CSGALNACT1: variants seen among roughly 807,000 people sequenced by gnomAD.
CSGALNACT1 encodes chondroitin sulfate N-acetylgalactosaminyltransferase 1.
CSGALNACT1 carries 52 observed loss-of-function variants against 51.0 expected under a neutral mutation model. The ratio of observed to expected loss-of-function variants is 1.02; its 90% confidence interval spans 0.82 to 1.29. The LOEUF is 1.29. CSGALNACT1 is among the 50% of genes most tolerant of loss of function. The pLI is 0.00. For missense variants in CSGALNACT1, 935 were observed against 679.2 expected, an observed-to-expected ratio of 1.38 and a Z score of -4.19; for synonymous variants, 341 against 254.4, an observed-to-expected ratio of 1.34 and a Z score of -3.24.
intron 4 of CSGALNACT1, among the ~76,000 whole-genome samples, chr8:19,462,728 T>C (rs984829349): frequency 1.3e-5 from 2 of 152,202 alleles, no homozygotes; most frequent in Admixed American, 1.3e-4. Context: ...TACATCCATT[T>C]TTTAGCTGGT....
At chr8:19,592,204 A>C (rs1034484935) in intron 2 of CSGALNACT1, among the ~76,000 whole-genome samples, 12 of 152,254 alleles carry the variant, frequency 7.9e-5, no homozygotes, top group Non-Finnish European at 1.3e-4. Context: ...AAAATAGTTT[A>C]AAGGACATTA....
chr8:19,562,414 A>G (rs1309680286), intron 3 of CSGALNACT1, among the ~76,000 whole-genome samples: 1 of 152,174 alleles, frequency 6.6e-6, no homozygotes, highest in Non-Finnish European at 1.5e-5. Flanking sequence ...TTTCATAACA[A>G]AAATGTCAAA....
At chr8:19,615,644 A>G (rs866262686) in intron 1 of CSGALNACT1, among the ~76,000 whole-genome samples, 1 of 152,270 alleles carries the variant, frequency 6.6e-6, no homozygotes, top group African/African-American at 2.4e-5. Context: ...TGTGATGAAC[A>G]TGAATAGGTT....
chr8:19,706,636 G>C (rs2062183307), intron 1 of CSGALNACT1, among the ~76,000 whole-genome samples: 1 of 152,088 alleles, frequency 6.6e-6, no homozygotes, highest in South Asian at 2.1e-4. Context: ...GTTGGCAGTG[G>C]GATACCTACC....
intron 5 of CSGALNACT1, chr8:19,457,640 G>A: frequency 7.9e-7 from 1 of 1,272,654 alleles, no homozygotes; most frequent in Non-Finnish European, 1.0e-6. Flanking sequence ...AAATCAGCTT[G>A]ATCTTTCAAG....
intron 4 of CSGALNACT1, among the ~76,000 whole-genome samples, chr8:19,493,238 C>T (rs994459184): frequency 6.6e-6 from 1 of 152,164 alleles, no homozygotes; most frequent in Admixed American, 6.5e-5. Flanking sequence ...AGGAGCTCTT[C>T]GGTCACCTCA....
At chr8:19,497,911 C>A (rs942025434) in intron 4 of CSGALNACT1, among the ~76,000 whole-genome samples, 1 of 152,096 alleles carries the variant, frequency 6.6e-6, no homozygotes, top group Non-Finnish European at 1.5e-5. Flanking sequence ...ACCGGGAAGC[C>A]CCCTCCCCGC....
At chr8:19,541,440 G>T (rs900641538) in intron 3 of CSGALNACT1, among the ~76,000 whole-genome samples, 7 of 151,012 alleles carry the variant, frequency 4.6e-5, no homozygotes, top group African/African-American at 1.7e-4. Flanking sequence ...TTTTAGTAGA[G>T]ATGGGGTTTC....
chr8:19,603,717 G>A (rs761811195), upstream of CSGALNACT1, among the ~76,000 whole-genome samples: 25 of 152,210 alleles, frequency 1.6e-4, no homozygotes, highest in Non-Finnish European at 3.4e-4. Flanking sequence ...GCAGGCAGCA[G>A]ATCTGGAGGC....
intron 1 of CSGALNACT1, among the ~76,000 whole-genome samples, chr8:19,618,045 A>G (rs942190428): frequency 6.8e-6 from 1 of 146,660 alleles, no homozygotes; most frequent in Non-Finnish European, 1.5e-5. Context: ...CTTCCGGCTG[A>G]TTTTTTTTTT....
At chr8:19,441,546 T>A (rs544039812) in intron 5 of CSGALNACT1, among the ~76,000 whole-genome samples, 2 of 152,192 alleles carry the variant, frequency 1.3e-5, no homozygotes, top group African/African-American at 4.8e-5. Flanking sequence ...ATCCCTTCCT[T>A]ACACCTTATA....
chr8:19,489,566 C>T (rs1004936913), intron 4 of CSGALNACT1, among the ~76,000 whole-genome samples: 14 of 152,130 alleles, frequency 9.2e-5, no homozygotes, highest in African/African-American at 1.4e-4. Flanking sequence ...TACCAGGCAA[C>T]GTGCTTAATA....
intron 1 of CSGALNACT1, among the ~76,000 whole-genome samples, chr8:19,726,248 T>G (rs1477861951): frequency 6.6e-6 from 1 of 152,174 alleles, no homozygotes; most frequent in Non-Finnish European, 1.5e-5. Flanking sequence ...CAATAATATA[T>G]AGAGCCTTTG....
intron 1 of CSGALNACT1, among the ~76,000 whole-genome samples, chr8:19,644,101 A>G (rs962296135): frequency 3.3e-5 from 5 of 152,228 alleles, no homozygotes; most frequent in Non-Finnish European, 7.3e-5. Context: ...CTAACATTAA[A>G]ATTATGTTTA....
At chr8:19,683,873 A>G (rs1207220536), upstream of CSGALNACT1, among the ~76,000 whole-genome samples, 1 of 152,164 alleles carries the variant, frequency 6.6e-6, no homozygotes, top group African/African-American at 2.4e-5. Flanking sequence ...AAATATAAAA[A>G]TATGTAGTAA....
intron 1 of CSGALNACT1, among the ~76,000 whole-genome samples, chr8:19,641,148 T>G (rs1198724894): frequency 1.2e-4 from 18 of 146,614 alleles, no homozygotes; most frequent in Admixed American, 1.1e-3. Context: ...TTTTTTTTTT[T>G]TTTTTTTAAA....
exon 10 of CSGALNACT1, chr8:19,404,333 CAGAAGCAAGGACTCAA>C (rs1563226479): frequency 4.4e-6 from 2 of 453,686 alleles, no homozygotes; most frequent in Non-Finnish European, 8.8e-6. Context: ...TGTGAGCAAA[CAGAAGCAAGGACTCAA>C]AGAGATAATT....
chr8:19,505,736 G>A lies in CSGALNACT1; in HGVS notation c.99C>T (p.Ala33=), dbSNP rs1396812377. The change falls in exon 4 of 10, where the codon GCC becomes GCT. Residue 33 remains alanine (A), a synonymous_variant. Transcript: ENST00000454498. ...GCTCCTCGTCACCTTTTGGGGTGCA[G>A]GCCAACATGTACAGGACAGAGATAG... The A allele has an allele frequency of 1.9e-5, 31 of 1,614,046 alleles. No homozygotes were observed. The highest frequency in any genetic ancestry group is 1.1e-4 in the African/African-American group (8 of 74,924).
chr8:19,559,428 C>G (rs1339411571), intron 3 of CSGALNACT1, among the ~76,000 whole-genome samples: 2 of 152,140 alleles, frequency 1.3e-5, no homozygotes, highest in African/African-American at 4.8e-5. Context: ...ACAAAGATGC[C>G]TACCATCCGC....
Sources: allele counts gnomAD v4.1 joint callset (sites outside exome capture counted in the v4.1 genomes callset), GRCh38; gene constraint gnomAD v4.1.1; transcripts MANE v1.5; gene names NCBI Gene and HGNC (gene_info 2026-07-23, HGNC 2026-07-21).